Variants in SETD1A observed in about 807,000 individuals in gnomAD.
The protein encoded by SETD1A is histone-lysine N-methyltransferase SETD1A.
SETD1A carries 29 observed loss-of-function variants against 149.9 expected under a neutral mutation model. The observed-to-expected ratio is 0.19, with a 90% CI of 0.14 to 0.26. The LOEUF (loss-of-function observed/expected upper bound fraction) is 0.26, where lower values mean the gene tolerates loss of function less well. Among genes scored for constraint, SETD1A ranks in the 10% least tolerant of loss-of-function variants. The pLI, the probability that SETD1A is intolerant of heterozygous loss-of-function variation, is 1.00. For missense variants in SETD1A, 2,109 were observed against 2,353.1 expected (o/e 0.90, Z 2.15); for synonymous variants, 1,141 against 968.5 (o/e 1.18, Z -3.31).
rs759409704 is a variant in SETD1A at position 30,971,538 on chromosome 16, G to C, written c.3177G>C (p.Glu1059Asp). Residue 1059 changes from glutamate to aspartate, a missense_variant, in exon 13 of 19, where the codon GAG becomes GAC. Physicochemically the swap from Glu to Asp is conservative, Grantham distance 45. Around this residue, in one of 8 missense-constraint regions of SETD1A, gnomAD observed 832 missense variants for 815.6 expected, o/e 1.02. Coordinates refer to ENST00000262519, the MANE Select transcript of SETD1A (RefSeq NM_014712.3). ...CCTCCTCGTCCTCTTCATCCTCTGA[G>C]TCCTCCTCTGAAGATGAAGAGGAAG... ...SSSSSSSSSS[E>D]SSSEDEEEEE... 38 of 1,613,744 alleles carry C rather than the reference G, an allele frequency of 2.4e-5. No homozygotes were observed. In the East Asian group the frequency reaches 4.0e-4, roughly 17 times the overall value.
intron 13 of SETD1A, among the ~76,000 whole-genome samples, chr16:30,977,620 G>C (rs569793364): frequency 1.3e-5 from 2 of 152,356 alleles, no homozygotes; most frequent in South Asian, 2.1e-4. Context: ...CGCTGCCCCA[G>C]CGTGGTGGGG....
chr16:30,965,545 G>A (rs1032574296), intron 7 of SETD1A, 56 bp from the exon 8 acceptor site: 4 of 1,595,336 alleles, frequency 2.5e-6, no homozygotes, highest in Non-Finnish European at 3.4e-6. Context: ...AACCAGATGA[G>A]AAAGTAGGGC....
chr16:30,969,101 C>G (rs544533513), intron 10 of SETD1A, among the ~76,000 whole-genome samples: 1 of 152,224 alleles, frequency 6.6e-6, no homozygotes, highest in East Asian at 1.9e-4. Context: ...GAGCAAGACC[C>G]CGTCCCAAAA....
rs751677298 is a variant in SETD1A at position 30,965,858 on chromosome 16, T to C, written c.1977T>C (p.Phe659=). 97 of 1,610,652 alleles carry C rather than the reference T, an allele frequency of 6.0e-5. No homozygotes were observed. The highest frequency in any genetic ancestry group is 7.9e-5 in the Non-Finnish European group (93 of 1,178,490). Residue 659 remains phenylalanine (F), a synonymous_variant, in exon 8 of 19, where the codon TTT becomes TTC. Transcript: ENST00000262519. ...CACCACCCCCGCACATCTATGACTTTGTGAACTCCTTGGAGCTCATGGACC... is the reference window on the plus strand; with the variant it reads ...CACCACCCCCGCACATCTATGACTTCGTGAACTCCTTGGAGCTCATGGACC... ...PPPPPPHIYD[F]VNSLELMDRL...
intron 3 of SETD1A, among the ~76,000 whole-genome samples, 160 bp downstream of exon 3, chr16:30,959,346 C>G (rs925495317): frequency 6.6e-6 from 1 of 152,190 alleles, no homozygotes; most frequent in Non-Finnish European, 1.5e-5. Flanking sequence ...AGGAGGTACA[C>G]TTAATCTTCC....
At chr16:30,975,722 C>T (rs763399485) in intron 13 of SETD1A, among the ~76,000 whole-genome samples, 25 of 152,082 alleles carry the variant, frequency 1.6e-4, no homozygotes, top group Non-Finnish European at 2.6e-4. Flanking sequence ...TGAGCCACTG[C>T]GCTTGCCCCA....
Position 30,980,698 on chromosome 16 carries a change from T to C in SETD1A, c.4581+41T>C, listed in dbSNP as rs1472677058. On this transcript the variant is annotated intron_variant, in intron 15 of 18. Transcript: ENST00000262519. The surrounding 1 kb of genome is among the most constrained non-coding windows in gnomAD (Gnocchi z 7.7). The stretch of plus-strand genomic sequence containing the variant: ...CCGCCGCGTCCTCCTGCCACTCACT[T>C]CCCTGCCCTGCTCACCTCCTCCCTG... 6 of 1,611,068 alleles carry C rather than the reference T, an allele frequency of 3.7e-6. No homozygotes were observed. The South Asian group carries it at 6.6e-5, about 18-fold the overall frequency.
chr16:30,980,012 C>T lies in SETD1A; in HGVS notation c.4226C>T (p.Pro1409Leu), dbSNP rs768570438. The T allele has an allele frequency of 7.3e-6, 11 of 1,507,470 alleles. No individual in the cohort carries two copies. Among genetic ancestry groups the T allele is most frequent in the African/African-American group, 4.3e-5 (3 of 69,676 alleles). 93.4% of individuals were successfully genotyped at this position (1,507,470 alleles called of 1,614,324 possible). A position where few individuals can be genotyped will look rare whatever the true frequency, so the allele number is the denominator to read the frequency against. The change falls in exon 14 of 19, where the codon CCG (proline) becomes CTG (leucine). Residue 1409 changes from proline (P) to leucine (L), a missense_variant. Around this residue, in one of 8 missense-constraint regions of SETD1A, gnomAD observed 832 missense variants for 815.6 expected, o/e 1.02. Transcript: ENST00000262519. This position sits in a 1 kb window ranked among gnomAD's most constrained non-coding sequence, Gnocchi z 7.7. ...CGCCGCCCTCCGCCCCCACCCCCGC[C>T]GCCACCGCCCCGCGCCTACGAGCCA... is the stretch of plus-strand genomic sequence containing the variant. ...RRRRPPPPPPPPPPRAYEPRS... is the reference protein window; with the variant it reads ...RRRRPPPPPPLPPPRAYEPRS...
chr16:30,964,732 C>T lies in SETD1A; in HGVS notation c.990C>T (p.Thr330=), dbSNP rs1266034763. ...STTASTAIAA[T]TAATASSSAS... ...CCGCCTCCACGGCCATCGCCGCCACCACTGCAGCCACTGCCTCATCCTCCG... is the reference window on the plus strand; with the variant it reads ...CCGCCTCCACGGCCATCGCCGCCACTACTGCAGCCACTGCCTCATCCTCCG... The change falls in exon 7 of 19, where the codon ACC becomes ACT. Residue 330 remains threonine (T), a synonymous_variant. Coordinates refer to ENST00000262519, the MANE Select transcript of SETD1A (RefSeq NM_014712.3). The T allele has an allele frequency of 1.9e-6, 3 of 1,614,112 alleles. No individual in the cohort carries two copies. The highest frequency in any genetic ancestry group is 1.3e-5 in the African/African-American group (1 of 74,928).
Position 30,965,353 on chromosome 16 carries a change from G to T in SETD1A, c.1611G>T (p.Gly537=). 1 of 1,613,686 alleles carries T rather than the reference G, an allele frequency of 6.2e-7. No individual in the cohort carries two copies. Among genetic ancestry groups the T allele is most frequent in the Non-Finnish European group, 8.5e-7 (1 of 1,179,620 alleles). Reference sequence around the variant, plus strand: ...AGGTGCCTTCTGGGTCAGGGCATGGGCCCTGCACACCCCCTCCGGCCCCAG... The same window carrying T: ...AGGTGCCTTCTGGGTCAGGGCATGGTCCCTGCACACCCCCTCCGGCCCCAG... ...GSEVPSGSGH[G]PCTPPPAPAN... is the part of the protein sequence containing the mutation. The change falls in exon 7 of 19, where the codon GGG becomes GGT. Residue 537 remains glycine, a synonymous_variant. Coordinates refer to ENST00000262519, the MANE Select transcript of SETD1A (RefSeq NM_014712.3).
rs769377268 is a variant in SETD1A, at chr16:30,971,446, A to G, written c.3085A>G (p.Ser1029Gly). ...TGCTGACTCAGATGGCGAAAATGACAGCACATCAGACTCCGAGAGCAGCAG... is the reference window on the plus strand; with the variant it reads ...TGCTGACTCAGATGGCGAAAATGACGGCACATCAGACTCCGAGAGCAGCAG... Reference protein sequence around the residue: ...LYADSDGENDSTSDSESSSSS... With the variant: ...LYADSDGENDGTSDSESSSSS... Residue 1029 changes from serine to glycine, a missense_variant, in exon 13 of 19, where the codon AGC becomes GGC. Physicochemically the swap from Ser to Gly is moderately conservative, Grantham distance 56. Coordinates refer to ENST00000262519, the MANE Select transcript of SETD1A (RefSeq NM_014712.3). 7 of 1,613,426 alleles carry G rather than the reference A, an allele frequency of 4.3e-6. No individual in the cohort carries two copies. The Admixed American group carries it at 1.0e-4, about 23-fold the overall frequency.
chr16:30,980,498 C>T lies in SETD1A; in HGVS notation c.4422C>T (p.Thr1474=). Residue 1474 remains threonine, a synonymous_variant, in exon 15 of 19, where the codon ACC becomes ACT. Coordinates refer to ENST00000262519, the MANE Select transcript of SETD1A (RefSeq NM_014712.3). The surrounding 1 kb of genome is among the most constrained non-coding windows in gnomAD (Gnocchi z 7.7). The part of the protein sequence containing the change: ...HWVHHTITNL[T]TPKRKRRPQD... ...AACACCCTGCACTCACCAACCTGAC[C>T]ACCCCAAAACGCAAGCGGCGGCCCC... 6.2e-7 allele frequency: 1 copy of T among 1,613,490 alleles called. No homozygotes were observed. Among genetic ancestry groups the T allele is most frequent in the Non-Finnish European group, 8.5e-7 (1 of 1,179,674 alleles).
Position 30,983,891 on chromosome 16 carries a change from G to A in SETD1A, c.4992G>A (p.Lys1664=). 6.2e-7 allele frequency: 1 copy of A among 1,612,432 alleles called. No homozygotes were observed. Among genetic ancestry groups the A allele is most frequent in the South Asian group, 1.1e-5 (1 of 90,828 alleles). Reference sequence around the variant, plus strand: ...AGGTCATCACCATCGAGTCCCAGAAGAAGATCGTGATCTACTCCAAGCAGC... The same window carrying A: ...AGGTCATCACCATCGAGTCCCAGAAAAAGATCGTGATCTACTCCAAGCAGC... ...YAKVITIESQ[K]KIVIYSKQPI... The change falls in exon 19 of 19, where the codon AAG becomes AAA. Residue 1664 remains lysine (K), a synonymous_variant. Transcript: ENST00000262519. The surrounding 1 kb of genome is among the most constrained non-coding windows in gnomAD (Gnocchi z 6.8).
At chr16:30,972,505 A>C (rs2056237397) in intron 13 of SETD1A, among the ~76,000 whole-genome samples, 1 of 152,104 alleles carries the variant, frequency 6.6e-6, no homozygotes, top group Admixed American at 6.6e-5. Context: ...AGGTATGGTG[A>C]CAGGCACCTG....
chr16:30,982,873 T>G (rs1413455820), intron 17 of SETD1A, among the ~76,000 whole-genome samples: 1 of 152,064 alleles, frequency 6.6e-6, no homozygotes, highest in South Asian at 2.1e-4. Flanking sequence ...GGTGCTGCTC[T>G]TAGCTGCTGG....
At chr16:30,975,360 A>G (rs1034920661) in intron 13 of SETD1A, among the ~76,000 whole-genome samples, 24 of 150,522 alleles carry the variant, frequency 1.6e-4, no homozygotes, top group Middle Eastern at 3.2e-3. Flanking sequence ...TCAAGTACCT[A>G]TGTGTGCCAG....
Position 30,965,961 on chromosome 16 carries a change from C to T in SETD1A, c.2080C>T (p.Arg694Trp), listed in dbSNP as rs892259104. 3 of 1,602,378 alleles carry T rather than the reference C, an allele frequency of 1.9e-6. No individual in the cohort carries two copies. The highest frequency in any genetic ancestry group is 2.6e-6 in the Non-Finnish European group (3 of 1,173,892). Reference protein sequence around the residue: ...TQMLTRLHQLRQGKGLIAASA... With the variant: ...TQMLTRLHQLWQGKGLIAASA... Reference sequence around the variant, plus strand: ...GATGTTAACTCGGCTCCATCAGCTGCGGCAGGGCAAGGGATTGATTGCCGC... The same window carrying T: ...GATGTTAACTCGGCTCCATCAGCTGTGGCAGGGCAAGGGATTGATTGCCGC... The change falls in exon 8 of 19, where the codon CGG becomes TGG. Residue 694 changes from arginine to tryptophan, a missense_variant. By Grantham distance (101) the Arg-to-Trp change is moderately radical. Coordinates refer to ENST00000262519, the MANE Select transcript of SETD1A (RefSeq NM_014712.3).
rs1321944802 is a variant in SETD1A, at chr16:30,964,112, T to C, written c.658T>C (p.Ser220Pro). 1.9e-6 allele frequency: 3 copies of C among 1,613,620 alleles called. No individual in the cohort carries two copies. Among genetic ancestry groups the C allele is most frequent in the South Asian group, 1.1e-5 (1 of 91,076 alleles). Residue 220 changes from serine to proline, a missense_variant, in exon 6 of 19, where the codon TCT (serine) becomes CCT (proline). By Grantham distance (74) the Ser-to-Pro change is moderately conservative. Transcript: ENST00000262519. ...GCTCTAGGCCGAATCCCGCCGCCGC[T>C]CTTCCTCTGACACAGCTGCCTACCC... ...ATETAESRRR[S>P]SSDTAAYPAG...
chr16:30,979,972 T>TCCCACGCCC lies in SETD1A; in HGVS notation c.4187_4195dup (p.Ala1398_Arg1399insProHisAla). ...CGCCCTCCGGAGGCGCAGCCTCCGCTCCCACGCCCGGCGCCGCCGCCCTCC... is the reference window on the plus strand; with the variant it reads ...CGCCCTCCGGAGGCGCAGCCTCCGCTCCCACGCCCCCCACGCCCGGCGCCGCCGCCCTCC... On this transcript the variant is annotated inframe_insertion, in exon 14 of 19. Transcript: ENST00000262519. 1 of 1,517,116 alleles carries TCCCACGCCC rather than the reference T, an allele frequency of 6.6e-7. No homozygotes were observed. 94.0% of individuals were successfully genotyped at this position (1,517,116 alleles called of 1,614,324 possible).
Sources: allele counts gnomAD v4.1 joint callset (sites outside exome capture counted in the v4.1 genomes callset), GRCh38; gene constraint gnomAD v4.1.1; regional missense constraint gnomAD v4.1.1; non-coding constraint Gnocchi (gnomAD v3.1); transcripts MANE v1.5; gene names NCBI Gene and HGNC (gene_info 2026-07-23, HGNC 2026-07-21).